Variants in ZNF875 observed in about 807,000 individuals in gnomAD.
The protein encoded by ZNF875 is HKR1, GLI-Kruppel zinc finger family member.
Under a neutral mutation model 11.2 loss-of-function variants are expected in ZNF875, and 14 were observed. The ratio of observed to expected loss-of-function variants is 1.26; its 90% CI spans 0.83 to 1.96. The LOEUF (loss-of-function observed/expected upper bound fraction) is 1.96, where lower values mean the gene tolerates loss of function less well. Ranked by LOEUF, ZNF875 falls within the 30% of genes most tolerant of loss-of-function variation. The pLI is 0.00. For synonymous variants in ZNF875, 301 were observed against 281.1 expected (o/e 1.07, Z -0.71); for missense variants, 752 against 760.4 (o/e 0.99, Z 0.13).
chr19:37,360,926 A>G (rs2039791493), intron 4 of ZNF875, among the ~76,000 whole-genome samples: 1 of 151,734 alleles, frequency 6.6e-6, no homozygotes, highest in African/African-American at 2.4e-5. Flanking sequence ...TAGTATATAG[A>G]AATATAATTA....
chr19:37,363,848 C>A lies in ZNF875; in HGVS notation c.*73C>A. ...ATACTTCATCAGACACCAGAGGACA[C>A]ACACAGTGCTGTGGCTTTTTCAGCC... On this transcript the variant is annotated 3_prime_UTR_variant, in exon 5 of 5. Transcript: ENST00000392153. 1 of 1,309,560 alleles carries A rather than the reference C, an allele frequency of 7.6e-7. No individual in the cohort carries two copies. The allele number at this position is 1,309,560 out of a possible 1,614,324, so 81.1% of individuals were successfully genotyped here.
At chr19:37,356,171 G>A (rs985184674) in intron 4 of ZNF875, among the ~76,000 whole-genome samples, 1 of 152,110 alleles carries the variant, frequency 6.6e-6, no homozygotes, top group African/African-American at 2.4e-5. Flanking sequence ...TATTTATCCA[G>A]TCCACTATTG....
rs568029117 is a variant in ZNF875 at position 37,346,967 on chromosome 19, G to A, written c.34-223G>A. 97 of 455,070 alleles carry A rather than the reference G, an allele frequency of 2.1e-4. 1 individual carries two copies. The highest frequency in any genetic ancestry group is 1.9e-3 in the South Asian group (90 of 46,984). The allele number at this position is 455,070 out of a possible 1,614,324, so 28.2% of individuals were successfully genotyped here. A position where few individuals can be genotyped will look rare whatever the true frequency, so the allele number is the denominator to read the frequency against. ...CAAGTAACTGGGATTACAGGCATGCGCCACCACACCTGACTAATTTTGTAT... is the reference window on the plus strand; with the variant it reads ...CAAGTAACTGGGATTACAGGCATGCACCACCACACCTGACTAATTTTGTAT... On this transcript the variant is annotated intron_variant, in intron 2 of 4. Transcript: ENST00000392153.
chr19:37,360,349 A>G (rs2146659256), intron 4 of ZNF875, among the ~76,000 whole-genome samples: 1 of 152,362 alleles, frequency 6.6e-6, no homozygotes, highest in South Asian at 2.1e-4. Flanking sequence ...TTGAAGTTAG[A>G]AGTATACACT....
upstream of ZNF875, among the ~76,000 whole-genome samples, chr19:37,332,259 G>A (rs1178770451): frequency 2.7e-5 from 4 of 149,186 alleles, no homozygotes; most frequent in Non-Finnish European, 4.5e-5. Flanking sequence ...CTGGTTCCCC[G>A]GGTCCCCTTA....
chr19:37,325,882 A>G (rs1318131384), intron 4 of ZNF875, among the ~76,000 whole-genome samples: 1 of 151,856 alleles, frequency 6.6e-6, no homozygotes, highest in Non-Finnish European at 1.5e-5. Context: ...TAATTTTTGT[A>G]TTTTTTTGTT....
At chr19:37,356,921 T>A (rs2039010158) in intron 4 of ZNF875, among the ~76,000 whole-genome samples, 1 of 152,206 alleles carries the variant, frequency 6.6e-6, no homozygotes, top group South Asian at 2.1e-4. Context: ...CCAGAGAAGT[T>A]TTTCCTAGTT....
At chr19:37,321,247 T>G (rs946433604) in intron 1 of ZNF875, among the ~76,000 whole-genome samples, 3 of 152,164 alleles carry the variant, frequency 2.0e-5, no homozygotes, top group Non-Finnish European at 2.9e-5. Flanking sequence ...GAGGAGGGCC[T>G]CTGCACTTCA....
At chr19:37,346,383 G>T (rs2036772031) in intron 2 of ZNF875, 1 of 152,234 alleles carries the variant, frequency 6.6e-6, no homozygotes, top group Non-Finnish European at 1.5e-5. Flanking sequence ...AGTATGGGTT[G>T]AATCCACGCT....
intron 2 of ZNF875, among the ~76,000 whole-genome samples, chr19:37,345,589 G>C (rs1284993955): frequency 6.6e-6 from 1 of 152,138 alleles, no homozygotes; most frequent in Non-Finnish European, 1.5e-5. Flanking sequence ...GTGTGTTGCG[G>C]CTGATAGACC....
At chr19:37,359,041 C>T (rs1458797784) in intron 4 of ZNF875, among the ~76,000 whole-genome samples, 3 of 152,014 alleles carry the variant, frequency 2.0e-5, no homozygotes, top group African/African-American at 7.3e-5. Flanking sequence ...GCTGGGATTA[C>T]AGGCATGTAC....
chr19:37,342,173 C>T (rs1683060642), intron 2 of ZNF875, among the ~76,000 whole-genome samples: 1 of 152,200 alleles, frequency 6.6e-6, no homozygotes, highest in African/African-American at 2.4e-5. Flanking sequence ...TTCAGAGGTT[C>T]TAAAGTTTGG....
At position 37,362,664 on chromosome 19, in the gene ZNF875, A is replaced by G. The variant is rs769495658; in HGVS notation, c.812A>G (p.Lys271Arg). The change falls in exon 5 of 5, where the codon AAA becomes AGA. Residue 271 changes from lysine (K) to arginine (R), a missense_variant. Transcript: ENST00000392153. ...TTTGGCAGTATGTCAGTCCTCATCA[A>G]AAACCCAAGGACACACTCTGGGGGA... ...DSFGSMSVLI[K>R]NPRTHSGGKP... 2.0e-5 allele frequency: 32 copies of G among 1,612,960 alleles called. No homozygotes were observed. Among genetic ancestry groups the G allele is most frequent in the Non-Finnish European group, 2.7e-5 (32 of 1,179,480 alleles).
chr19:37,347,705 T>G (rs2037077946), intron 3 of ZNF875, 72 bp from the exon 4 acceptor site: 1 of 937,010 alleles, frequency 1.1e-6, no homozygotes, highest in Non-Finnish European at 1.8e-6. Context: ...CTCACCCATT[T>G]CAGCTCTGAG....
At chr19:37,324,338 G>A (rs2032040942) in intron 4 of ZNF875, 3 of 152,122 alleles carry the variant, frequency 2.0e-5, no homozygotes, top group Admixed American at 2.0e-4. Context: ...ATCATTTTAA[G>A]GGGTTAAAAT....
chr19:37,333,813 A>G (rs138466456), upstream of ZNF875, among the ~76,000 whole-genome samples: 185 of 152,250 alleles, frequency 1.2e-3, no homozygotes, highest in Admixed American at 1.9e-3. Flanking sequence ...AAGATAAACA[A>G]TATTTTAATG....
chr19:37,315,465 T>C (rs1159110731), upstream of ZNF875: 1 of 152,160 alleles, frequency 6.6e-6, no homozygotes, highest in Non-Finnish European at 1.5e-5. Flanking sequence ...CTGGACTCTG[T>C]GGCTGGAGAT....
chr19:37,331,437 A>T (rs1318414532), upstream of ZNF875, among the ~76,000 whole-genome samples: 1 of 151,524 alleles, frequency 6.6e-6, no homozygotes, highest in Non-Finnish European at 1.5e-5. Flanking sequence ...GTCTGTGTAG[A>T]AAGAAGTAGA....
intron 4 of ZNF875, among the ~76,000 whole-genome samples, chr19:37,358,906 TA>T (rs1360332913): frequency 3.3e-5 from 5 of 151,488 alleles, no homozygotes; most frequent in South Asian, 2.1e-4. Flanking sequence ...AATATATATA[TA>T]TTTTTTTTTT....
Sources: allele counts gnomAD v4.1 joint callset (sites outside exome capture counted in the v4.1 genomes callset), GRCh38; gene constraint gnomAD v4.1.1; transcripts MANE v1.5; gene names NCBI Gene and HGNC (gene_info 2026-07-23, HGNC 2026-07-21).